MAP9: variants seen among roughly 807,000 people sequenced by gnomAD.
MAP9 encodes microtubule-associated protein 9.
In MAP9, 80 loss-of-function variants were observed where a neutral mutation model predicts 75.2. The ratio of observed to expected loss-of-function variants is 1.06; its 90% CI spans 0.89 to 1.28. MAP9 has a LOEUF of 1.28. Among genes scored for constraint, MAP9 ranks in the 50% most tolerant of loss-of-function variants. The probability of loss-of-function intolerance (pLI) is 0.00; values close to 1 mark genes in which losing one functional copy is unlikely to be tolerated. For synonymous variants in MAP9, 235 were observed against 237.3 expected (o/e 0.99, Z 0.09); for missense variants, 753 against 719.9 (o/e 1.05, Z -0.53).
chr4:155,359,918 T>C (rs1371167770), intron 7 of MAP9, among the ~76,000 whole-genome samples: 1 of 152,028 alleles, frequency 6.6e-6, no homozygotes, highest in Non-Finnish European at 1.5e-5. Context: ...TCTGAGACAT[T>C]TAAAAGTATA....
rs749519958 is a variant in MAP9, at chr4:155,368,633, G to C, written c.661C>G (p.Gln221Glu). The change falls in exon 5 of 14, where the codon CAA becomes GAA. Residue 221 changes from glutamine to glutamate, a missense_variant. Gln to Glu is a conservative substitution (Grantham distance 29). Transcript: ENST00000311277. Reference protein sequence around the residue: ...PSSLPTPNGIQLEAEKKAFSE... With the variant: ...PSSLPTPNGIELEAEKKAFSE... ...AATGCTTTTTTCTCAGCTTCTAATT[G>C]TATGCCATTCGGCGTTGGAAGGGAA... 1.1e-5 allele frequency: 18 copies of C among 1,613,998 alleles called. No individual in the cohort carries two copies. The highest frequency in any genetic ancestry group is 1.5e-5 in the Non-Finnish European group (18 of 1,180,032).
intron 10 of MAP9, 89 bp from the exon 11 acceptor site, chr4:155,353,429 C>T: frequency 9.3e-7 from 1 of 1,070,686 alleles, no homozygotes; most frequent in Non-Finnish European, 1.2e-6. Flanking sequence ...TACACATATA[C>T]ATTTATCTTT....
chr4:155,359,210 TACACACACACACACAC>T (rs56261222), intron 7 of MAP9, among the ~76,000 whole-genome samples: 3 of 145,578 alleles, frequency 2.1e-5, no homozygotes, highest in Non-Finnish European at 1.5e-5. Context: ...AAAATGTGTA[TACACACACACACACAC>T]ACACACACAC....
Position 155,353,310 on chromosome 4 carries a change from C to G in MAP9, c.1411G>C (p.Ala471Pro), listed in dbSNP as rs1290537099. The G allele has an allele frequency of 1.3e-6, 2 of 1,585,994 alleles. No individual in the cohort carries two copies. The highest frequency in any genetic ancestry group is 1.7e-6 in the Non-Finnish European group (2 of 1,171,966). ...ATAGCCTTCCAGGCCTCAAATGATG[C>G]TAATGCTTCTTCTCTTTTAGCAGCT... ...KKAAKREEALASFEAWKAMKE... is the reference protein window; with the variant it reads ...KKAAKREEALPSFEAWKAMKE... The change falls in exon 11 of 14, where the codon GCA becomes CCA. Residue 471 changes from alanine (A) to proline (P), a missense_variant. Transcript: ENST00000311277.
chr4:155,348,716 T>C (rs1427912584), intron 13 of MAP9, among the ~76,000 whole-genome samples: 1 of 152,184 alleles, frequency 6.6e-6, no homozygotes, highest in African/African-American at 2.4e-5. Context: ...ATTTGGCCCA[T>C]TTAAATGTAT....
At chr4:155,353,095 T>C (rs775954462) in intron 11 of MAP9, 38 bp from the exon 12 acceptor site, 7 of 1,536,196 alleles carry the variant, frequency 4.6e-6, no homozygotes, top group African/African-American at 4.2e-5. Context: ...CTGTGAATAT[T>C]TGAAAATAAA....
At chr4:155,368,130 C>G (rs1315509087) in intron 5 of MAP9, 1 of 187,314 alleles carries the variant, frequency 5.3e-6, no homozygotes, top group East Asian at 1.3e-4. Context: ...CATGAACATT[C>G]AACACACATT....
chr4:155,347,998 T>C (rs1429289195), intron 13 of MAP9, 93 bp from the exon 14 acceptor site: 1 of 785,702 alleles, frequency 1.3e-6, no homozygotes, highest in Non-Finnish European at 2.0e-6. Context: ...TAATCCATTA[T>C]AGGATATTTA....
chr4:155,373,779 T>A (rs78241169), intron 3 of MAP9, among the ~76,000 whole-genome samples: 4,840 of 152,286 alleles, frequency 0.032, 255 homozygotes, highest in African/African-American at 0.11. Context: ...TCATGTAGCA[T>A]TTAAATTAGA....
At chr4:155,362,023 A>G in intron 6 of MAP9, 25 bp downstream of exon 6, 1 of 1,343,888 alleles carries the variant, frequency 7.4e-7, no homozygotes, top group Non-Finnish European at 1.1e-6. Context: ...TTCACATATA[A>G]GATATAATTA....
rs767645153 is a variant in MAP9 at position 155,347,610 on chromosome 4, T to TC, written c.*172dup. ...TTGTTTGAGGCAGTTTATCTACAGT[T>TC]CAAAAAAATGCTTTCACTGATTACA... On this transcript the variant is annotated 3_prime_UTR_variant, in exon 14 of 14. Transcript: ENST00000311277. 62 of 583,848 alleles carry TC rather than the reference T, an allele frequency of 1.1e-4. 1 individual carries two copies. Among genetic ancestry groups the TC allele is most frequent in the Non-Finnish European group, 1.6e-4 (57 of 352,382 alleles). 36.2% of individuals were successfully genotyped at this position (583,848 alleles called of 1,614,324 possible).
chr4:155,350,713 C>T (rs1044903053), intron 13 of MAP9, among the ~76,000 whole-genome samples: 5 of 151,868 alleles, frequency 3.3e-5, no homozygotes, highest in African/African-American at 9.7e-5. Context: ...TTCTCTGCAT[C>T]GAATTAGCAT....
chr4:155,358,215 G>C (rs1233335867), intron 7 of MAP9, among the ~76,000 whole-genome samples: 1 of 152,186 alleles, frequency 6.6e-6, no homozygotes, highest in African/African-American at 2.4e-5. Context: ...TTCTAATTTA[G>C]AATTGCCTCT....
At chr4:155,371,643 A>G (rs1157192513) in intron 4 of MAP9, among the ~76,000 whole-genome samples, 1 of 151,912 alleles carries the variant, frequency 6.6e-6, no homozygotes. Context: ...ATATATAAGT[A>G]GAGCATTTAG....
At chr4:155,368,467 G>A (rs1312450847) in intron 5 of MAP9, 119 bp downstream of exon 5, 1 of 804,464 alleles carries the variant, frequency 1.2e-6, no homozygotes, top group African/African-American at 1.7e-5. Flanking sequence ...AGTTGCAGAA[G>A]AAAGTATGTA....
At chr4:155,366,216 A>G (rs553166253) in intron 5 of MAP9, among the ~76,000 whole-genome samples, 30 of 152,108 alleles carry the variant, frequency 2.0e-4, no homozygotes, top group Non-Finnish European at 3.4e-4. Flanking sequence ...AAAATTAGCC[A>G]GGCATGGTGG....
rs17032890 is a variant in MAP9 at position 155,360,159 on chromosome 4, T to G, written c.1050+9A>C. The G allele has an allele frequency of 0.024, 38,376 of 1,602,780 alleles. 1,688 individuals are homozygous for G. Among genetic ancestry groups the G allele is most frequent in the African/African-American group, 0.17 (12,768 of 74,626 alleles). ...CTGTAGTATGAAAAGTATGAATTTTTACAAATACCTTTGAAGATGCTGTTG... is the reference window on the plus strand; with the variant it reads ...CTGTAGTATGAAAAGTATGAATTTTGACAAATACCTTTGAAGATGCTGTTG... On this transcript the variant is annotated intron_variant, in intron 7 of 13. Transcript: ENST00000311277.
intron 5 of MAP9, among the ~76,000 whole-genome samples, chr4:155,364,678 ACT>A (rs1169846030): frequency 6.6e-6 from 1 of 150,590 alleles, no homozygotes. Flanking sequence ...AAAAGTTATA[ACT>A]CTATTGTGGG....
rs1731160550 is a variant in MAP9 at position 155,342,783 on chromosome 4, G to C, written c.*5000C>G. Reference sequence around the variant, plus strand: ...GTTAATCCTGTATGTGAAAACCTCTGAGTGACTATCTCAAAGTGTATATGT... The same window carrying C: ...GTTAATCCTGTATGTGAAAACCTCTCAGTGACTATCTCAAAGTGTATATGT... On this transcript the variant is annotated 3_prime_UTR_variant, in exon 14 of 14. Coordinates refer to ENST00000311277, the MANE Select transcript of MAP9 (RefSeq NM_001039580.2). The C allele has an allele frequency of 6.6e-6, 1 of 151,790 alleles. No individual in the cohort carries two copies. Among genetic ancestry groups the C allele is most frequent in the Non-Finnish European group, 1.5e-5 (1 of 67,894 alleles). 9.4% of individuals were successfully genotyped at this position (151,790 alleles called of 1,614,324 possible).
Sources: allele counts gnomAD v4.1 joint callset (sites outside exome capture counted in the v4.1 genomes callset), GRCh38; gene constraint gnomAD v4.1.1; transcripts MANE v1.5; gene names NCBI Gene and HGNC (gene_info 2026-07-23, HGNC 2026-07-21).